The following NGEF variants were observed in gnomAD, a reference collection of about 807,000 sequenced individuals.
NGEF encodes the protein neuronal guanine nucleotide exchange factor.
Under a neutral mutation model 80.9 loss-of-function variants are expected in NGEF, and 31 were observed. The observed-to-expected ratio is 0.38, with a 90% CI of 0.29 to 0.52. The LOEUF is 0.52. Ranked by LOEUF, NGEF falls within the 20% of genes least tolerant of loss-of-function variation. NGEF has a pLI of 0.84. For missense variants in NGEF, 709 were observed against 926.2 expected (o/e 0.77, Z 3.04); for synonymous variants, 371 against 370.2 (o/e 1.00, Z -0.03).
intron 5 of NGEF, among the ~76,000 whole-genome samples, chr2:232,897,070 G>A (rs1692118807): frequency 7.4e-6 from 1 of 134,754 alleles, no homozygotes; most frequent in Non-Finnish European, 1.6e-5. Flanking sequence ...GAGTAGGGGT[G>A]GGGTGAGGGG....
At chr2:232,975,003 A>G (rs1694263732) in intron 1 of NGEF, 39 bp from the exon 2 acceptor site, 2 of 1,043,500 alleles carry the variant, frequency 1.9e-6, no homozygotes, top group Admixed American at 2.6e-5. Flanking sequence ...GTTAGTCATC[A>G]GGCTAAGTAT....
intron 3 of NGEF, chr2:232,927,838 G>C: frequency 8.5e-7 from 1 of 1,177,818 alleles, no homozygotes; most frequent in Non-Finnish European, 1.1e-6. Context: ...GCGCAAGCTG[G>C]GAAAGAGGCA....
rs1212955954 is a variant in NGEF at position 232,995,125 on chromosome 2, GTATA to G, written c.-75+17939_-75+17942del. Reference sequence around the variant, plus strand: ...TACAGTATGTATATGTGTACAGTATGTATATATGTACAGTATGTATATATGTACA... The same window carrying G: ...TACAGTATGTATATGTGTACAGTATGTATGTACAGTATGTATATATGTACA... On this transcript the variant is annotated intron_variant, in intron 1 of 14. Coordinates refer to ENST00000264051, the MANE Select transcript of NGEF (RefSeq NM_019850.3). 2.3e-3 allele frequency among the ~76,000 whole-genome samples: 15 copies of G among 6,658 alleles called. 7 individuals carry two copies. Among genetic ancestry groups the G allele is most frequent in the African/African-American group, 6.4e-3 (13 of 2,040 alleles). The allele number at this position is 6,658 out of a possible 152,430, so 4.4% of individuals were successfully genotyped here. A position where few individuals can be genotyped will look rare whatever the true frequency, so the allele number is the denominator to read the frequency against.
At chr2:232,934,281 T>C (rs1425646112) in intron 3 of NGEF, among the ~76,000 whole-genome samples, 1 of 149,204 alleles carries the variant, frequency 6.7e-6, no homozygotes, top group Non-Finnish European at 1.5e-5. Flanking sequence ...AGAAAAACAC[T>C]CTATGGGCAA....
intron 1 of NGEF, among the ~76,000 whole-genome samples, chr2:232,991,572 A>C (rs1694651348): frequency 6.6e-6 from 1 of 152,324 alleles, no homozygotes; most frequent in East Asian, 1.9e-4. Context: ...AAACTACAAA[A>C]TATTATTGAA....
In NGEF at chr2:232,879,422, C is replaced by T. The variant is rs879403437; in HGVS notation, c.*67G>A. On this transcript the variant is annotated 3_prime_UTR_variant, in exon 15 of 15. Coordinates refer to ENST00000264051, the MANE Select transcript of NGEF (RefSeq NM_019850.3). ...GGTGCTGGCCTGTGCTTCCCAGAGC[C>T]CCCCCCCCCCCACCTTCTGTCGGGG... is the stretch of plus-strand genomic sequence containing the variant. 4.0e-4 allele frequency: 83 copies of T among 205,038 alleles called. No homozygotes were observed. Among genetic ancestry groups the T allele is most frequent in the Non-Finnish European group, 9.0e-5 (14 of 155,408 alleles). The allele number at this position is 205,038 out of a possible 1,614,324, so 12.7% of individuals were successfully genotyped here.
chr2:232,888,406 ACATG>A (rs199915174), intron 8 of NGEF, among the ~76,000 whole-genome samples: 1,872 of 152,132 alleles, frequency 0.012, 38 homozygotes, highest in African/African-American at 0.043. Flanking sequence ...ACACGTGCAC[ACATG>A]CATGCACACA....
In NGEF at chr2:232,991,358, C is replaced by A. The variant is rs181254331; in HGVS notation, c.-74-16394G>T. Among the ~76,000 whole-genome samples the A allele has an allele frequency of 4.7e-3, 705 of 150,484 alleles. 8 individuals are homozygous for A. The highest frequency in any genetic ancestry group is 0.015 in the African/African-American group (630 of 41,054). Reference sequence around the variant, plus strand: ...GAATCCAGTAAAAAAAAACAAAAAACCCCAGAAAACTATTGGAACTAATAA... The same window carrying A: ...GAATCCAGTAAAAAAAAACAAAAAAACCCAGAAAACTATTGGAACTAATAA... On this transcript the variant is annotated intron_variant, in intron 1 of 14. Transcript: ENST00000264051.
intron 3 of NGEF, chr2:232,927,870 C>A (rs1237407937): frequency 1.5e-5 from 19 of 1,261,272 alleles, no homozygotes; most frequent in Non-Finnish European, 1.7e-5. Context: ...CGCGCCGGGG[C>A]CGGGACAGGC....
At position 232,884,295 on chromosome 2, in the gene NGEF, G is replaced by A. The variant is rs149361590; in HGVS notation, c.1438-151C>T. The A allele has an allele frequency of 1.4e-3, 1,183 of 835,850 alleles. 11 individuals carry two copies. Among genetic ancestry groups the A allele is most frequent in the African/African-American group, 0.013 (776 of 58,088 alleles). 51.8% of individuals were successfully genotyped at this position (835,850 alleles called of 1,614,324 possible). A position where few individuals can be genotyped will look rare whatever the true frequency, so the allele number is the denominator to read the frequency against. ...TGGGGGGAAAGGCCGAGTTCTGGAC[G>A]GATGCAGAGAGATGGCAGGGCTGTG... On this transcript the variant is annotated intron_variant, in intron 10 of 14. Coordinates refer to ENST00000264051, the MANE Select transcript of NGEF (RefSeq NM_019850.3).
intron 2 of NGEF, among the ~76,000 whole-genome samples, chr2:232,973,510 C>T (rs549952492): frequency 2.0e-5 from 3 of 152,302 alleles, no homozygotes; most frequent in East Asian, 3.9e-4. Context: ...AGGGACTATG[C>T]AAGGTCTGAG....
At chr2:232,944,724 CG>C (rs1574628025) in intron 3 of NGEF, among the ~76,000 whole-genome samples, 2 of 78,198 alleles carry the variant, frequency 2.6e-5, no homozygotes, top group Non-Finnish European at 5.3e-5. Context: ...AAGACTTTTC[CG>C]AATATATATA....
chr2:232,913,246 C>T (rs1160116124), intron 5 of NGEF, among the ~76,000 whole-genome samples: 2 of 152,198 alleles, frequency 1.3e-5, no homozygotes, highest in Non-Finnish European at 2.9e-5. Context: ...TCCTCCTTGA[C>T]CCAGGGATTA....
chr2:233,012,585 T>C, intron 1 of NGEF: 1 of 290,180 alleles, frequency 3.4e-6, no homozygotes, highest in Non-Finnish European at 6.7e-6. Flanking sequence ...ATCAGGGCAC[T>C]TCCGTTTACA....
intron 3 of NGEF, among the ~76,000 whole-genome samples, chr2:232,966,840 T>TA (rs1694070492): frequency 6.6e-6 from 1 of 151,988 alleles, no homozygotes; most frequent in South Asian, 2.1e-4. Flanking sequence ...CTTCTGTTGA[T>TA]ACCCTCCAGT....
chr2:232,893,225 T>G (rs1217110638), intron 6 of NGEF, among the ~76,000 whole-genome samples, 175 bp from the exon 7 acceptor site: 1 of 152,028 alleles, frequency 6.6e-6, no homozygotes, highest in Non-Finnish European at 1.5e-5. Context: ...GTGTATTTGG[T>G]CATCTTGAAG....
chr2:232,884,229 C>G (rs1691602698), intron 10 of NGEF, 85 bp from the exon 11 acceptor site: 1 of 1,377,068 alleles, frequency 7.3e-7, no homozygotes, highest in Non-Finnish European at 9.5e-7. Context: ...CTGTCACATT[C>G]CCTGACACCT....
At chr2:232,961,011 C>A (rs1693940124) in intron 3 of NGEF, among the ~76,000 whole-genome samples, 1 of 152,198 alleles carries the variant, frequency 6.6e-6, no homozygotes, top group East Asian at 1.9e-4. Flanking sequence ...TGCTTTCCTC[C>A]TGCCGTGCTG....
chr2:232,904,897 C>A (rs894842079), intron 5 of NGEF, among the ~76,000 whole-genome samples: 1 of 152,156 alleles, frequency 6.6e-6, no homozygotes, highest in Non-Finnish European at 1.5e-5. Context: ...GAGCTGTGAT[C>A]GCACCACTGC....
Sources: allele counts gnomAD v4.1 joint callset (sites outside exome capture counted in the v4.1 genomes callset), GRCh38; gene constraint gnomAD v4.1.1; transcripts MANE v1.5; gene names NCBI Gene and HGNC (gene_info 2026-07-23, HGNC 2026-07-21).